PTPRM: variants seen among roughly 807,000 people sequenced by gnomAD.
PTPRM encodes receptor-type tyrosine-protein phosphatase mu.
A neutral mutation model predicts 186.7 loss-of-function variants in PTPRM; 47 were observed. The observed-to-expected ratio is 0.25, with a 90% CI of 0.20 to 0.32. The LOEUF is 0.32. Among genes scored for constraint, PTPRM ranks in the 10% least tolerant of loss-of-function variants. The pLI is 1.00. For synonymous variants in PTPRM, 668 were observed against 674.9 expected, an observed-to-expected ratio of 0.99 and a Z score of 0.16; for missense variants, 1,494 against 1,865.0, an observed-to-expected ratio of 0.80 and a Z score of 3.66.
At chr18:8,366,470 C>T (rs1430874693) in intron 23 of PTPRM, among the ~76,000 whole-genome samples, 1 of 152,224 alleles carries the variant, frequency 6.6e-6, no homozygotes, top group African/African-American at 2.4e-5. Flanking sequence ...GTCAAATGCC[C>T]TGAAGGTTAC....
chr18:8,094,920 T>C (rs1024687140), intron 11 of PTPRM, among the ~76,000 whole-genome samples: 1 of 152,162 alleles, frequency 6.6e-6, no homozygotes, highest in Non-Finnish European at 1.5e-5. Context: ...ATCCAGGCTC[T>C]CTCCACTTGT....
At chr18:8,190,743 TAAAAG>T (rs1335795163) in intron 14 of PTPRM, among the ~76,000 whole-genome samples, 1 of 152,194 alleles carries the variant, frequency 6.6e-6, no homozygotes, top group Non-Finnish European at 1.5e-5. Flanking sequence ...ACATAAATGT[TAAAAG>T]TAATATACAA....
intron 2 of PTPRM, among the ~76,000 whole-genome samples, chr18:7,842,674 T>C (rs1480713256): frequency 6.6e-6 from 1 of 151,928 alleles, no homozygotes; most frequent in East Asian, 1.9e-4. Context: ...ATTTTCAAGA[T>C]TGTAACATAG....
intron 1 of PTPRM, among the ~76,000 whole-genome samples, chr18:7,714,987 A>G (rs2040294779): frequency 6.6e-6 from 1 of 152,210 alleles, no homozygotes; most frequent in Non-Finnish European, 1.5e-5. Context: ...AAAAGAGGGA[A>G]TCCTCCCTAA....
chr18:8,353,530 G>GGGTA (rs2095547227), intron 23 of PTPRM, among the ~76,000 whole-genome samples: 1 of 152,058 alleles, frequency 6.6e-6, no homozygotes, highest in Non-Finnish European at 1.5e-5. Context: ...GTGTTATGGT[G>GGGTA]GGTAGGTGGT....
chr18:7,981,843 C>G (rs145063990), intron 7 of PTPRM, among the ~76,000 whole-genome samples: 44 of 152,294 alleles, frequency 2.9e-4, no homozygotes, highest in African/African-American at 1.0e-3. Flanking sequence ...ACTCTTGGAA[C>G]ACAATGGTAT....
chr18:8,027,502 G>A (rs575110277), intron 7 of PTPRM, among the ~76,000 whole-genome samples: 1 of 152,266 alleles, frequency 6.6e-6, no homozygotes, highest in South Asian at 2.1e-4. Context: ...ACCTTCATAA[G>A]TCATTTGAGA....
chr18:7,687,079 C>G (rs8086686), intron 1 of PTPRM, among the ~76,000 whole-genome samples: 26,463 of 152,118 alleles, frequency 0.17, 3,513 homozygotes, highest in African/African-American at 0.38. Context: ...CTCAACTAAT[C>G]TTGTAATAAC....
At chr18:8,369,388 A>G (rs2148447268) in intron 23 of PTPRM, among the ~76,000 whole-genome samples, 1 of 152,384 alleles carries the variant, frequency 6.6e-6, no homozygotes, top group Middle Eastern at 3.4e-3. Context: ...TAGAATGCCC[A>G]TGCAGGAAGA....
At chr18:7,669,731 A>G (rs12604838) in intron 1 of PTPRM, among the ~76,000 whole-genome samples, 15,108 of 151,534 alleles carry the variant, frequency 0.1, 1,036 homozygotes, top group South Asian at 0.19. Flanking sequence ...CTTTTACTTT[A>G]TTTTTTTTGA....
intron 1 of PTPRM, among the ~76,000 whole-genome samples, chr18:7,596,272 A>G (rs745440609): frequency 1.3e-5 from 2 of 152,120 alleles, no homozygotes; most frequent in Non-Finnish European, 2.9e-5. Flanking sequence ...TCCTCTGGAC[A>G]TAGGGAGGAG....
intron 19 of PTPRM, among the ~76,000 whole-genome samples, chr18:8,281,668 G>GTTCACTCCTT (rs539964304): frequency 9.1e-4 from 139 of 152,164 alleles, no homozygotes; most frequent in Non-Finnish European, 1.7e-3. Flanking sequence ...CCACCTCCCT[G>GTTCACTCCTT]TTCACTCATT....
chr18:7,832,080 A>G (rs765772244), intron 2 of PTPRM, among the ~76,000 whole-genome samples: 3 of 152,176 alleles, frequency 2.0e-5, no homozygotes, highest in Non-Finnish European at 4.4e-5. Context: ...GAGTGCTGCA[A>G]CAAACATGGG....
chr18:8,079,686 C>T (rs555822551), intron 9 of PTPRM, among the ~76,000 whole-genome samples: 2 of 152,032 alleles, frequency 1.3e-5, no homozygotes, highest in East Asian at 3.9e-4. Context: ...TTTAGAAGAA[C>T]CTTCTAAGAA....
intron 3 of PTPRM, among the ~76,000 whole-genome samples, chr18:7,899,139 C>T (rs1479485105): frequency 6.6e-6 from 1 of 152,144 alleles, no homozygotes; most frequent in Non-Finnish European, 1.5e-5. Flanking sequence ...AGCCCTGAAG[C>T]ACTATATTTG....
chr18:8,392,651 C>T (rs1358453723), intron 31 of PTPRM, among the ~76,000 whole-genome samples: 1 of 151,794 alleles, frequency 6.6e-6, no homozygotes, highest in African/African-American at 2.4e-5. Context: ...TCCCTTATCT[C>T]CTTGAGGAGA....
chr18:7,767,793 A>G (rs2042083116), intron 1 of PTPRM, among the ~76,000 whole-genome samples: 1 of 152,210 alleles, frequency 6.6e-6, no homozygotes, highest in African/African-American at 2.4e-5. Flanking sequence ...TAACTTGCTT[A>G]TAGTTTCCAA....
chr18:7,728,514 G>C (rs960950080), intron 1 of PTPRM, among the ~76,000 whole-genome samples: 1 of 152,252 alleles, frequency 6.6e-6, no homozygotes, highest in African/African-American at 2.4e-5. Context: ...GCACATGTGG[G>C]CATGCCCAGG....
chr18:7,999,495 A>G (rs1348416296), intron 7 of PTPRM, among the ~76,000 whole-genome samples: 1 of 151,960 alleles, frequency 6.6e-6, no homozygotes, highest in Non-Finnish European at 1.5e-5. Flanking sequence ...GCTTTCTGGA[A>G]AGAAGGTACA....
Sources: allele counts gnomAD v4.1 joint callset (sites outside exome capture counted in the v4.1 genomes callset), GRCh38; gene constraint gnomAD v4.1.1; transcripts MANE v1.5; gene names NCBI Gene and HGNC (gene_info 2026-07-23, HGNC 2026-07-21).